Variants in PTPRT observed in about 807,000 individuals in gnomAD.
PTPRT encodes the protein protein tyrosine phosphatase receptor type T.
PTPRT carries 56 observed loss-of-function variants against 176.8 expected under a neutral mutation model. The observed-to-expected ratio is 0.32, with a 90% CI of 0.26 to 0.40. The LOEUF is 0.40. PTPRT is among the 10% of genes least tolerant of loss of function. The pLI is 1.00. For synonymous variants in PTPRT, 783 were observed against 739.0 expected, an observed-to-expected ratio of 1.06 and a Z score of -0.96; for missense variants, 1,540 against 1,908.2, an observed-to-expected ratio of 0.81 and a Z score of 3.60.
chr20:42,084,742 C>T lies in PTPRT; in HGVS notation c.4076G>A (p.Arg1359Gln), dbSNP rs770379585. 1.9e-6 allele frequency: 3 copies of T among 1,568,404 alleles called. No homozygotes were observed. Among genetic ancestry groups the T allele is most frequent in the Non-Finnish European group, 1.7e-6 (2 of 1,154,080 alleles). ...SKRSLLKVVR[R>Q]LEKWQEQYDG... is the part of the protein sequence containing the mutation. Reference sequence around the variant, plus strand: ...ATACTGCTCCTGCCACTTCTCCAGTCGTCGGACCACTTTGAGCAGAGAGCG... The same window carrying T: ...ATACTGCTCCTGCCACTTCTCCAGTTGTCGGACCACTTTGAGCAGAGAGCG... Residue 1359 changes from arginine to glutamine, a missense_variant, in exon 29 of 31, where the codon CGA becomes CAA. Coordinates refer to ENST00000373187, the MANE Select transcript of PTPRT (RefSeq NM_007050.6).
At chr20:42,291,876 T>C (rs543617158) in intron 12 of PTPRT, among the ~76,000 whole-genome samples, 2 of 152,242 alleles carry the variant, frequency 1.3e-5, no homozygotes, top group African/African-American at 2.4e-5. Flanking sequence ...TAAAGAGCTA[T>C]TTAGGCAGGA....
At chr20:42,910,180 C>T (rs546265370) in intron 1 of PTPRT, among the ~76,000 whole-genome samples, 39 of 152,132 alleles carry the variant, frequency 2.6e-4, no homozygotes, top group Non-Finnish European at 3.4e-4. Flanking sequence ...TCCTGCTGCA[C>T]GCTTGGGAGT....
intron 6 of PTPRT, among the ~76,000 whole-genome samples, chr20:42,735,153 G>A (rs1051492191): frequency 6.6e-6 from 1 of 152,224 alleles, no homozygotes; most frequent in Non-Finnish European, 1.5e-5. Context: ...TTGAAGCTCA[G>A]ATAAGGTTGG....
chr20:43,167,644 T>A (rs1178542697), intron 1 of PTPRT, among the ~76,000 whole-genome samples: 1 of 152,212 alleles, frequency 6.6e-6, no homozygotes, highest in Non-Finnish European at 1.5e-5. Flanking sequence ...GATGATGACT[T>A]CTGTCCTGCT....
At chr20:43,182,556 A>T (rs2015286340) in intron 1 of PTPRT, among the ~76,000 whole-genome samples, 1 of 152,092 alleles carries the variant, frequency 6.6e-6, no homozygotes, top group African/African-American at 2.4e-5. Flanking sequence ...ACACCCGGCT[A>T]ATTTTTGTAT....
At chr20:43,168,874 C>T (rs1357097105) in intron 1 of PTPRT, among the ~76,000 whole-genome samples, 1 of 152,188 alleles carries the variant, frequency 6.6e-6, no homozygotes, top group Non-Finnish European at 1.5e-5. Context: ...AAGGTTGATT[C>T]TTCAATTCAA....
chr20:42,665,464 G>A (rs1429306963), intron 7 of PTPRT, among the ~76,000 whole-genome samples: 2 of 151,978 alleles, frequency 1.3e-5, no homozygotes, highest in African/African-American at 2.4e-5. Flanking sequence ...AGAGGATGTG[G>A]AGAAATAGGA....
chr20:42,184,793 A>AT (rs1285238995), intron 16 of PTPRT, among the ~76,000 whole-genome samples: 1 of 6,776 alleles, frequency 1.5e-4, no homozygotes, highest in Admixed American at 1.9e-3. Context: ...ACACCCGGCT[A>AT]ATTTTTTTTT....
At chr20:42,354,915 G>C (rs1409579933) in intron 9 of PTPRT, among the ~76,000 whole-genome samples, 1 of 151,808 alleles carries the variant, frequency 6.6e-6, no homozygotes, top group African/African-American at 2.4e-5. Flanking sequence ...AAAATGCAGG[G>C]AGCTGAGGGC....
intron 14 of PTPRT, among the ~76,000 whole-genome samples, chr20:42,238,105 C>A (rs936615941): frequency 6.6e-6 from 1 of 152,104 alleles, no homozygotes; most frequent in Admixed American, 6.6e-5. Flanking sequence ...GCACCATTAC[C>A]CTCGTTTTAT....
intron 7 of PTPRT, among the ~76,000 whole-genome samples, chr20:42,577,969 G>GTGTGTA (rs564005742): frequency 0.014 from 1,906 of 140,398 alleles, 114 homozygotes; most frequent in Admixed American, 0.041. Context: ...GTGTGTGTGT[G>GTGTGTA]TAGGCATACC....
chr20:43,098,021 G>T (rs1428348034), intron 1 of PTPRT, among the ~76,000 whole-genome samples: 1 of 152,038 alleles, frequency 6.6e-6, no homozygotes. Context: ...AGTCCCCTTC[G>T]CCAGCTTCCA....
At chr20:42,193,344 T>C (rs916650111) in intron 16 of PTPRT, among the ~76,000 whole-genome samples, 1 of 152,246 alleles carries the variant, frequency 6.6e-6, no homozygotes, top group Non-Finnish European at 1.5e-5. Context: ...AAAACAGCTG[T>C]GGCAGCAGCT....
chr20:42,683,900 CA>C (rs1463265505), intron 6 of PTPRT, among the ~76,000 whole-genome samples: 4 of 152,144 alleles, frequency 2.6e-5, no homozygotes, highest in Admixed American at 1.3e-4. Flanking sequence ...TTTTCTCTAC[CA>C]AGGGCCACAG....
chr20:42,686,901 T>C (rs1285119824), intron 6 of PTPRT, among the ~76,000 whole-genome samples: 3 of 152,152 alleles, frequency 2.0e-5, no homozygotes, highest in South Asian at 2.1e-4. Context: ...TGCTAAAGGA[T>C]CTGTTTTTTG....
At chr20:42,422,870 A>AG (rs1172799439) in intron 9 of PTPRT, among the ~76,000 whole-genome samples, 1 of 152,234 alleles carries the variant, frequency 6.6e-6, no homozygotes, top group Non-Finnish European at 1.5e-5. Flanking sequence ...AGCCATAAAA[A>AG]GGAATGAGAT....
chr20:42,153,576 G>C (rs1989224761), intron 17 of PTPRT, among the ~76,000 whole-genome samples: 1 of 152,112 alleles, frequency 6.6e-6, no homozygotes, highest in Non-Finnish European at 1.5e-5. Flanking sequence ...ATAAAAATAG[G>C]CTAAAAGGGA....
intron 16 of PTPRT, among the ~76,000 whole-genome samples, chr20:42,186,707 A>G (rs1157501830): frequency 6.6e-6 from 1 of 152,106 alleles, no homozygotes; most frequent in Non-Finnish European, 1.5e-5. Flanking sequence ...TTTGCCTTGA[A>G]AAGGTCTCCC....
intron 1 of PTPRT, among the ~76,000 whole-genome samples, chr20:42,996,381 A>C (rs1269326753): frequency 6.6e-6 from 1 of 152,190 alleles, no homozygotes; most frequent in Non-Finnish European, 1.5e-5. Context: ...GTGAGATTTG[A>C]ATAGCATATG....
Sources: gnomAD v4.1 joint callset for allele counts (sites outside exome capture counted in the v4.1 genomes callset) on GRCh38, gnomAD v4.1.1 for gene constraint, MANE v1.5 for transcripts, NCBI Gene and HGNC (gene_info 2026-07-23, HGNC 2026-07-21) for gene names.